The following PRDM5 variants were observed in gnomAD, a reference collection of about 807,000 sequenced individuals.
PRDM5 encodes the protein PR domain zinc finger protein 5.
A neutral mutation model predicts 81.2 loss-of-function variants in PRDM5; 56 were observed. That is an observed-to-expected ratio of 0.69 (90% CI 0.56 to 0.86). The LOEUF is 0.86. Among genes scored for constraint, PRDM5 ranks in the 40% least tolerant of loss-of-function variants. PRDM5 has a pLI of 0.00. For synonymous variants in PRDM5, 267 were observed against 256.4 expected (o/e 1.04, Z -0.39); for missense variants, 697 against 770.1 (o/e 0.91, Z 1.12).
intron 14 of PRDM5, among the ~76,000 whole-genome samples, chr4:120,747,025 G>A (rs1743197780): frequency 6.8e-6 from 1 of 146,728 alleles, no homozygotes; most frequent in Non-Finnish European, 1.5e-5. Context: ...CAAAGACTTG[G>A]AACCAACCCA....
In PRDM5 at chr4:120,899,605, T is replaced by C. The variant is rs916078642; in HGVS notation, c.177+7869A>G. ...TCACAACACAGTCAACTCAGAACAC[T>C]TCTACTACCACATGTGGTAGGGTTT... On this transcript the variant is annotated intron_variant, in intron 2 of 15. Transcript: ENST00000264808. Among the ~76,000 whole-genome samples, 15 of 152,214 alleles carry C rather than the reference T, an allele frequency of 9.9e-5. No individual in the cohort carries two copies. In the East Asian group the frequency reaches 2.3e-3, roughly 24 times the overall value.
At chr4:120,815,479 A>C (rs1368950940) in intron 7 of PRDM5, among the ~76,000 whole-genome samples, 1 of 152,234 alleles carries the variant, frequency 6.6e-6, no homozygotes, top group Non-Finnish European at 1.5e-5. Context: ...AGTCGCAGCT[A>C]GCAGTTGTTC....
At chr4:120,838,948 G>A in intron 3 of PRDM5, 1 of 494,712 alleles carries the variant, frequency 2.0e-6, no homozygotes, top group East Asian at 3.2e-5. Context: ...GCCGGCTGCT[G>A]CAGAAGGGTG....
rs1750538534 is a variant in PRDM5 at position 120,791,308 on chromosome 4, A to G, written c.1189-6217T>C. Reference sequence around the variant, plus strand: ...AATGAGTAGATTTATATGAACTAACATAAACATCCCTGCAAATCATATGTT... The same window carrying G: ...AATGAGTAGATTTATATGAACTAACGTAAACATCCCTGCAAATCATATGTT... On this transcript the variant is annotated intron_variant, in intron 10 of 15. Transcript: ENST00000264808. Among the ~76,000 whole-genome samples, 4 of 152,212 alleles carry G rather than the reference A, an allele frequency of 2.6e-5. No individual in the cohort carries two copies. The South Asian group carries it at 8.3e-4, about 32-fold the overall frequency.
intron 2 of PRDM5, among the ~76,000 whole-genome samples, chr4:120,858,333 T>A (rs1297517473): frequency 6.6e-6 from 1 of 152,160 alleles, no homozygotes. Flanking sequence ...TATCCAGACT[T>A]CAGGATATCT....
chr4:120,822,460 T>G (rs343184), intron 3 of PRDM5, among the ~76,000 whole-genome samples: 38,371 of 151,988 alleles, frequency 0.25, 5,618 homozygotes, highest in East Asian at 0.36. Context: ...GCACTTATGT[T>G]TAAAAGCAGG....
intron 10 of PRDM5, among the ~76,000 whole-genome samples, chr4:120,792,623 T>C (rs940150191): frequency 4.6e-5 from 7 of 152,148 alleles, no homozygotes; most frequent in African/African-American, 1.7e-4. Context: ...ACTCTCAGGT[T>C]CATTGCGTAA....
intron 8 of PRDM5, among the ~76,000 whole-genome samples, chr4:120,804,994 T>C (rs933790783): frequency 4.0e-5 from 6 of 151,864 alleles, no homozygotes; most frequent in South Asian, 4.2e-4. Context: ...ATCAAATAGA[T>C]GCAATCAAAA....
intron 14 of PRDM5, among the ~76,000 whole-genome samples, chr4:120,733,906 AAC>A (rs1740650937): frequency 6.6e-6 from 1 of 151,836 alleles, no homozygotes; most frequent in Non-Finnish European, 1.5e-5. Context: ...AAAAAAAAAA[AAC>A]AAAAAAACTG....
intron 3 of PRDM5, among the ~76,000 whole-genome samples, chr4:120,845,781 G>A (rs1332772932): frequency 2.6e-5 from 4 of 152,194 alleles, no homozygotes; most frequent in Non-Finnish European, 4.4e-5. Flanking sequence ...TGGTAGACCT[G>A]AGCAAAGTAA....
At chr4:120,775,236 T>C (rs1438351182) in intron 13 of PRDM5, among the ~76,000 whole-genome samples, 1 of 151,920 alleles carries the variant, frequency 6.6e-6, no homozygotes, top group East Asian at 1.9e-4. Flanking sequence ...ATACATAATA[T>C]AGAACATAAG....
chr4:120,886,235 G>C (rs1279488992), intron 2 of PRDM5, among the ~76,000 whole-genome samples: 1 of 152,130 alleles, frequency 6.6e-6, no homozygotes, highest in African/African-American at 2.4e-5. Context: ...ATCTGCAAAA[G>C]AAAAACATTT....
At chr4:120,894,921 A>G (rs1241445798) in intron 2 of PRDM5, among the ~76,000 whole-genome samples, 1 of 152,206 alleles carries the variant, frequency 6.6e-6, no homozygotes, top group Non-Finnish European at 1.5e-5. Context: ...AGCCATTATC[A>G]TTTCTGCTTC....
chr4:120,711,377 C>A (rs1736952196), intron 14 of PRDM5, among the ~76,000 whole-genome samples: 1 of 152,152 alleles, frequency 6.6e-6, no homozygotes, highest in Admixed American at 6.5e-5. Context: ...TGGCTCACTG[C>A]AACCTCTGCC....
At chr4:120,769,979 G>A (rs956300594) in intron 13 of PRDM5, among the ~76,000 whole-genome samples, 1 of 151,926 alleles carries the variant, frequency 6.6e-6, no homozygotes, top group Admixed American at 6.6e-5. Context: ...GCATCTACAC[G>A]GTTGCTCTCA....
At chr4:120,905,801 C>T (rs1551079) in intron 2 of PRDM5, among the ~76,000 whole-genome samples, 143,342 of 152,202 alleles carry the variant, frequency 0.94, 67,549 homozygotes, top group Middle Eastern at 0.98. Flanking sequence ...TTTCTGATTG[C>T]ATAATCTCTA....
intron 2 of PRDM5, among the ~76,000 whole-genome samples, chr4:120,877,809 A>G (rs1452150625): frequency 6.6e-6 from 1 of 152,202 alleles, no homozygotes; most frequent in Non-Finnish European, 1.5e-5. Context: ...CGTCTCAAAA[A>G]TAAATAAATA....
intron 3 of PRDM5, among the ~76,000 whole-genome samples, chr4:120,849,501 C>T (rs867510996): frequency 4.9e-4 from 75 of 152,120 alleles, no homozygotes; most frequent in African/African-American, 1.8e-3. Context: ...ATCCTGACAC[C>T]CCTCATGAAG....
At position 120,709,611 on chromosome 4, in the gene PRDM5, T is replaced by C. The variant is rs185806722; in HGVS notation, c.1728+698A>G. Among the ~76,000 whole-genome samples the C allele has an allele frequency of 3.3e-5, 5 of 152,292 alleles. No homozygotes were observed. The East Asian group carries it at 9.6e-4, about 29-fold the overall frequency. ...AAGCAGAATTCTGCACTGTGCCATA[T>C]CACACAGCACAGCTTTAATGTTTTT... On this transcript the variant is annotated intron_variant, in intron 15 of 15. Transcript: ENST00000264808.
Sources: allele counts gnomAD v4.1 joint callset (sites outside exome capture counted in the v4.1 genomes callset), GRCh38; gene constraint gnomAD v4.1.1; transcripts MANE v1.5; gene names NCBI Gene and HGNC (gene_info 2026-07-23, HGNC 2026-07-21).